FAM107B: variants seen among roughly 807,000 people sequenced by gnomAD.
The protein encoded by FAM107B is protein FAM107B.
A neutral mutation model predicts 31.5 loss-of-function variants in FAM107B; 21 were observed. The observed-to-expected ratio is 0.67, with a 90% CI of 0.47 to 0.96. The LOEUF is 0.96. FAM107B is among the 40% of genes least tolerant of loss of function. FAM107B has a pLI of 0.00. For missense variants in FAM107B, 452 were observed against 377.1 expected, an observed-to-expected ratio of 1.20 and a Z score of -1.64; for synonymous variants, 157 against 141.5, an observed-to-expected ratio of 1.11 and a Z score of -0.78.
intron 2 of FAM107B, among the ~76,000 whole-genome samples, chr10:14,574,210 TCCTGA>T (rs1194787118): frequency 6.6e-5 from 10 of 152,246 alleles, no homozygotes; most frequent in African/African-American, 2.4e-4. Context: ...TCCTCAGGCA[TCCTGA>T]CACAGTTATT....
intron 2 of FAM107B, among the ~76,000 whole-genome samples, chr10:14,599,455 A>G (rs935501669): frequency 4.6e-5 from 7 of 152,176 alleles, no homozygotes; most frequent in African/African-American, 1.7e-4. Context: ...CACGCCCCCA[A>G]CACCACTACA....
At chr10:14,624,032 A>G (rs1311902686) in intron 2 of FAM107B, among the ~76,000 whole-genome samples, 2 of 152,152 alleles carry the variant, frequency 1.3e-5, no homozygotes, top group Non-Finnish European at 2.9e-5. Flanking sequence ...GAGCATCACA[A>G]TATATCAGTT....
intron 2 of FAM107B, among the ~76,000 whole-genome samples, chr10:14,644,194 A>G (rs929453582): frequency 1.8e-4 from 27 of 152,368 alleles, no homozygotes; most frequent in African/African-American, 6.5e-4. Flanking sequence ...CAATGATACA[A>G]TGATAATGAT....
Position 14,774,247 on chromosome 10 carries a change from A to G in FAM107B, c.411+6T>C. The G allele has an allele frequency of 6.3e-7, 1 of 1,599,708 alleles. No individual in the cohort carries two copies. On this transcript the variant is annotated splice_donor_region_variant and intron_variant, in intron 1 of 4. Transcript: ENST00000181796. The stretch of plus-strand genomic sequence containing the variant: ...GTCTATAATCGCAGAGCGAACACTC[A>G]CTCACCTTGGGCGTGTCAATAATTG...
intron 1 of FAM107B, among the ~76,000 whole-genome samples, chr10:14,681,487 T>G (rs1308388858): frequency 1.3e-5 from 2 of 152,188 alleles, no homozygotes; most frequent in African/African-American, 2.4e-5. Context: ...GGCAGATAAG[T>G]AGCCTCTCAG....
At position 14,774,518 on chromosome 10, in the gene FAM107B, TGA is replaced by T. The variant is rs777715637; in HGVS notation, c.144_145del (p.His49PhefsTer57). On this transcript the variant is annotated frameshift_variant, in exon 1 of 5. Coordinates refer to ENST00000181796, the MANE Select transcript of FAM107B (RefSeq NM_031453.4). LOFTEE classifies it high-confidence loss of function. ...CACAGGCTGCACACGGACGGTGGAA[TGA>T]GTATCAGCCACGCCGGACTGATTGA... 6.2e-7 allele frequency: 1 copy of T among 1,614,176 alleles called. No homozygotes were observed. The highest frequency in any genetic ancestry group is 8.5e-7 in the Non-Finnish European group (1 of 1,180,028).
chr10:14,664,618 T>C (rs1854360541), intron 2 of FAM107B, among the ~76,000 whole-genome samples: 1 of 152,212 alleles, frequency 6.6e-6, no homozygotes, highest in South Asian at 2.1e-4. Context: ...CCTCAGTGTG[T>C]AGTAGGTTAT....
intron 1 of FAM107B, among the ~76,000 whole-genome samples, chr10:14,764,753 C>G (rs1423626158): frequency 1.3e-5 from 2 of 152,144 alleles, no homozygotes; most frequent in Non-Finnish European, 2.9e-5. Flanking sequence ...GTTCCTAGAC[C>G]GTAAGACATT....
At chr10:14,585,663 C>A (rs75167701) in intron 2 of FAM107B, among the ~76,000 whole-genome samples, 15 of 152,202 alleles carry the variant, frequency 9.9e-5, no homozygotes, top group Non-Finnish European at 2.1e-4. Flanking sequence ...TGGCGCAGAA[C>A]GTTCTTTGGA....
At chr10:14,567,291 C>T (rs1016254935) in intron 2 of FAM107B, among the ~76,000 whole-genome samples, 41 of 152,262 alleles carry the variant, frequency 2.7e-4, no homozygotes, top group African/African-American at 9.4e-4. Context: ...GGCCCAAGAG[C>T]AGGCGGATTT....
At chr10:14,590,830 A>C (rs1188137769) in intron 2 of FAM107B, among the ~76,000 whole-genome samples, 1 of 151,492 alleles carries the variant, frequency 6.6e-6, no homozygotes, top group Non-Finnish European at 1.5e-5. Context: ...AAAAAAAAAA[A>C]AACACAAAAT....
intron 1 of FAM107B, among the ~76,000 whole-genome samples, chr10:14,722,595 T>A (rs1246491242): frequency 6.6e-6 from 1 of 152,256 alleles, no homozygotes; most frequent in South Asian, 2.1e-4. Context: ...TCTTGTCATG[T>A]AATTCTTGGC....
At chr10:14,764,858 T>G (rs1467738658) in intron 1 of FAM107B, among the ~76,000 whole-genome samples, 1 of 152,226 alleles carries the variant, frequency 6.6e-6, no homozygotes, top group Non-Finnish European at 1.5e-5. Context: ...AGACTGGAAA[T>G]TTCAGCTATA....
intron 1 of FAM107B, among the ~76,000 whole-genome samples, chr10:14,700,848 AAAAACGC>A (rs1855382274): frequency 6.7e-6 from 1 of 149,778 alleles, no homozygotes; most frequent in Non-Finnish European, 1.5e-5. Flanking sequence ...AAAAAAAAAA[AAAAACGC>A]ACTAGGGTGA....
At chr10:14,691,873 T>G (rs559594538) in intron 1 of FAM107B, among the ~76,000 whole-genome samples, 54 of 132,438 alleles carry the variant, frequency 4.1e-4, no homozygotes, top group African/African-American at 1.5e-3. Flanking sequence ...CAGCCTGAGC[T>G]ACAGAGTGAG....
rs72784927 is a variant in FAM107B at position 14,520,202 on chromosome 10, G to A, written c.*988C>T. ...GACATTCAAATGCTATACATCTTCT[G>A]ATGAAGCCTCCTTGACAGCAGTCTA... On this transcript the variant is annotated 3_prime_UTR_variant, in exon 5 of 5. Transcript: ENST00000181796. The A allele has an allele frequency of 0.15, 22,772 of 152,272 alleles. 2,179 individuals are homozygous for A. Among genetic ancestry groups the A allele is most frequent in the Middle Eastern group, 0.22 (65 of 294 alleles). 9.4% of individuals were successfully genotyped at this position (152,272 alleles called of 1,614,324 possible).
intron 1 of FAM107B, among the ~76,000 whole-genome samples, chr10:14,749,004 T>C (rs371341809): frequency 6.6e-6 from 1 of 152,164 alleles, no homozygotes; most frequent in Non-Finnish European, 1.5e-5. Flanking sequence ...ATTATACCTT[T>C]GGGATCTAGA....
At chr10:14,746,701 A>T (rs1832732569) in intron 1 of FAM107B, among the ~76,000 whole-genome samples, 1 of 152,112 alleles carries the variant, frequency 6.6e-6, no homozygotes, top group Non-Finnish European at 1.5e-5. Flanking sequence ...AGGTGACCTG[A>T]CCTTTCTCTC....
chr10:14,677,175 C>T (rs1854703596), intron 1 of FAM107B, among the ~76,000 whole-genome samples: 1 of 152,100 alleles, frequency 6.6e-6, no homozygotes, highest in Non-Finnish European at 1.5e-5. Context: ...TTCCCAGTGG[C>T]CTTTCCAGGA....
Sources: allele counts gnomAD v4.1 joint callset (sites outside exome capture counted in the v4.1 genomes callset), GRCh38; gene constraint gnomAD v4.1.1; transcripts MANE v1.5; gene names NCBI Gene and HGNC (gene_info 2026-07-23, HGNC 2026-07-21).